ARSG: variants seen among roughly 807,000 people sequenced by gnomAD.
The protein encoded by ARSG is ASG.
A neutral mutation model predicts 50.5 loss-of-function variants in ARSG; 37 were observed. The ratio of observed to expected loss-of-function variants is 0.73; its 90% CI spans 0.56 to 0.96. The LOEUF (loss-of-function observed/expected upper bound fraction) is 0.96, where lower values mean the gene tolerates loss of function less well. ARSG is among the 50% of genes least tolerant of loss of function. The pLI, the probability that ARSG is intolerant of heterozygous loss-of-function variation, is 0.00. For synonymous variants in ARSG, 225 were observed against 254.6 expected, an observed-to-expected ratio of 0.88 and a Z score of 1.11; for missense variants, 629 against 675.3, an observed-to-expected ratio of 0.93 and a Z score of 0.76.
Position 68,356,727 on chromosome 17 carries a change from T to G in ARSG, c.627T>G (p.Ile209Met), listed in dbSNP as rs777274147. 6.2e-7 allele frequency: 1 copy of G among 1,614,176 alleles called. No individual in the cohort carries two copies. The highest frequency in any genetic ancestry group is 2.2e-5 in the East Asian group (1 of 44,872). ...TCCCTCTTTATGAAAACCTCAACAT[T>G]GTGGAGCAGCCGGTGAACTTGAGCA... ...VALPLYENLN[I>M]VEQPVNLSSL... is the part of the protein sequence containing the mutation. The change falls in exon 6 of 12, where the codon ATT (isoleucine) becomes ATG (methionine). Residue 209 changes from isoleucine (I) to methionine (M), a missense_variant. By Grantham distance (10) the Ile-to-Met change is conservative. Coordinates refer to ENST00000621439, the MANE Select transcript of ARSG (RefSeq NM_001267727.2).
chr17:68,262,921 C>T (rs1332024157), intron 1 of ARSG, among the ~76,000 whole-genome samples: 1 of 152,152 alleles, frequency 6.6e-6, no homozygotes, highest in Non-Finnish European at 1.5e-5. Flanking sequence ...AAAGTTGGGA[C>T]TAAGAATGGG....
rs2078560228 is a variant in ARSG at position 68,347,297 on chromosome 17, C to T, written c.454+125C>T. The T allele has an allele frequency of 8.2e-5, 95 of 1,155,366 alleles. No homozygotes were observed. In the South Asian group the frequency reaches 9.2e-4, roughly 11 times the overall value. The allele number at this position is 1,155,366 out of a possible 1,614,324, so 71.6% of individuals were successfully genotyped here. The stretch of plus-strand genomic sequence containing the variant: ...CCCTAAGTTAGGACATCTTTGTTCA[C>T]GAGGTCATTTGAGTGCATTTGGGGT... On this transcript the variant is annotated intron_variant, in intron 4 of 11. Transcript: ENST00000621439.
chr17:68,410,366 ATCTATTGAG>A (rs2081945684), intron 11 of ARSG, among the ~76,000 whole-genome samples: 2 of 146,574 alleles, frequency 1.4e-5, no homozygotes, highest in African/African-American at 5.1e-5. Context: ...CCTTTTCTGC[ATCTATTGAG>A]ATAATCATGT....
At chr17:68,274,849 C>T (rs994718364) in intron 1 of ARSG, among the ~76,000 whole-genome samples, 29 of 149,404 alleles carry the variant, frequency 1.9e-4, no homozygotes, top group African/African-American at 5.7e-4. Flanking sequence ...GGTGTGATCT[C>T]GGCTCACTGC....
chr17:68,385,267 G>T, intron 9 of ARSG, 95 bp downstream of exon 9: 1 of 1,096,044 alleles, frequency 9.1e-7, no homozygotes. Flanking sequence ...TGGCTAGATG[G>T]AGGCATGGGT....
chr17:68,334,004 C>G (rs1423147830), intron 2 of ARSG, among the ~76,000 whole-genome samples: 1 of 152,150 alleles, frequency 6.6e-6, no homozygotes, highest in Non-Finnish European at 1.5e-5. Flanking sequence ...AGTGTTTCTT[C>G]TAGCCTCCAG....
At chr17:68,284,283 C>T (rs1275368454) in intron 1 of ARSG, among the ~76,000 whole-genome samples, 1 of 151,794 alleles carries the variant, frequency 6.6e-6, no homozygotes, top group Admixed American at 6.6e-5. Flanking sequence ...TGCCTGTAGT[C>T]CCAGCTGCTC....
chr17:68,306,301 G>A (rs902653868), intron 1 of ARSG, among the ~76,000 whole-genome samples: 2 of 151,958 alleles, frequency 1.3e-5, no homozygotes, highest in African/African-American at 2.4e-5. Flanking sequence ...CGCTCCCTGC[G>A]AGAATTTCTT....
chr17:68,328,023 G>A (rs782812259), intron 2 of ARSG, among the ~76,000 whole-genome samples: 4 of 152,112 alleles, frequency 2.6e-5, no homozygotes, highest in Admixed American at 1.3e-4. Flanking sequence ...GGAGGGGGTG[G>A]TCACAGCTTT....
downstream of ARSG, among the ~76,000 whole-genome samples, chr17:68,424,766 A>G (rs529992031): frequency 6.5e-4 from 99 of 152,204 alleles, 2 homozygotes; most frequent in Non-Finnish European, 4.4e-5. Flanking sequence ...AATTGCAGCT[A>G]CTCGGGAGGC....
chr17:68,295,680 T>G, intron 1 of ARSG, among the ~76,000 whole-genome samples: 1 of 142,260 alleles, frequency 7.0e-6, no homozygotes, highest in Non-Finnish European at 1.5e-5. Context: ...AATTTTTTTT[T>G]TTTTTTTTTT....
downstream of ARSG, chr17:68,425,819 G>T: frequency 2.5e-6 from 1 of 405,752 alleles, no homozygotes; most frequent in Non-Finnish European, 4.4e-6. Context: ...TGGCTGGAGG[G>T]AGGCCACCAA....
chr17:68,339,739 C>A (rs186296632), intron 2 of ARSG, among the ~76,000 whole-genome samples: 1 of 152,132 alleles, frequency 6.6e-6, no homozygotes, highest in African/African-American at 2.4e-5. Flanking sequence ...TCAGGGTAAA[C>A]GCTTTTGGCA....
chr17:68,421,537 T>C (rs769540879), downstream of ARSG: 101 of 556,220 alleles, frequency 1.8e-4, no homozygotes, highest in Non-Finnish European at 2.7e-4. Context: ...ACACTATAGT[T>C]TGAACGTATT....
At chr17:68,444,271 T>A in the ARSG span, among the ~76,000 whole-genome samples, 1 of 152,228 alleles carries the variant, frequency 6.6e-6, no homozygotes, top group African/African-American at 2.4e-5. Context: ...AAGGGTGTTG[T>A]TATTCTTGGA....
intron 3 of ARSG, among the ~76,000 whole-genome samples, chr17:68,344,362 A>G (rs1022908402): frequency 6.6e-6 from 1 of 152,230 alleles, no homozygotes; most frequent in Non-Finnish European, 1.5e-5. Context: ...CTCCCTTTGA[A>G]CAAAACCACA....
At chr17:68,411,329 G>T (rs1348909796) in intron 11 of ARSG, among the ~76,000 whole-genome samples, 1 of 152,154 alleles carries the variant, frequency 6.6e-6, no homozygotes, top group East Asian at 1.9e-4. Context: ...TTGTGTCTTT[G>T]TTCTTGTTGG....
chr17:68,310,644 C>T lies in ARSG; in HGVS notation c.218+2933C>T, dbSNP rs117919378. Among the ~76,000 whole-genome samples, 900 of 152,248 alleles carry T rather than the reference C, an allele frequency of 5.9e-3. 8 individuals carry two copies. The highest frequency in any genetic ancestry group is 0.011 in the Admixed American group (164 of 15,288). The stretch of plus-strand genomic sequence containing the variant: ...CTGGGCGAAACTCCTCCATGTGGTT[C>T]GGGGGGAATCATTTCAGCTCACCGC... On this transcript the variant is annotated intron_variant, in intron 2 of 11. Transcript: ENST00000621439.
intron 11 of ARSG, among the ~76,000 whole-genome samples, chr17:68,404,422 T>C (rs1031996848): frequency 6.6e-6 from 1 of 152,250 alleles, no homozygotes; most frequent in African/African-American, 2.4e-5. Flanking sequence ...GTTTTATAAA[T>C]GTAGATACCG....
Sources: allele counts gnomAD v4.1 joint callset (sites outside exome capture counted in the v4.1 genomes callset), GRCh38; gene constraint gnomAD v4.1.1; transcripts MANE v1.5; gene names NCBI Gene and HGNC (gene_info 2026-07-23, HGNC 2026-07-21).